The following POMC variants were observed in gnomAD, a reference collection of about 807,000 sequenced individuals.
POMC encodes proopiomelanocortin.
A neutral mutation model predicts 18.5 loss-of-function variants in POMC; 19 were observed. The observed-to-expected ratio is 1.03, with a 90% CI of 0.72 to 1.51. The LOEUF (loss-of-function observed/expected upper bound fraction) is 1.51. POMC is among the 40% of genes most tolerant of loss of function. POMC has a pLI of 0.00. For synonymous variants in POMC, 179 were observed against 161.9 expected (o/e 1.11, Z -0.80); for missense variants, 451 against 379.0 (o/e 1.19, Z -1.58).
In POMC at chr2:25,161,951, A is replaced by G. The variant is rs1343595391; in HGVS notation, c.133-199T>C. 2.0e-5 allele frequency among the ~76,000 whole-genome samples: 3 copies of G among 152,134 alleles called. No homozygotes were observed. The highest frequency in any genetic ancestry group is 7.2e-5 in the African/African-American group (3 of 41,446). ...GCTTTCTTGGCACTCGTGGGCATCTAAGATCTTGCCACTGCCTCTTTTGTC... is the reference window on the plus strand; with the variant it reads ...GCTTTCTTGGCACTCGTGGGCATCTGAGATCTTGCCACTGCCTCTTTTGTC... On this transcript the variant is annotated intron_variant, in intron 2 of 2. Coordinates refer to ENST00000395826, the MANE Select transcript of POMC (RefSeq NM_000939.4). This position sits in a 1 kb window ranked among gnomAD's most constrained non-coding sequence, Gnocchi z 5.7.
rs1230914079 is a variant in POMC, at chr2:25,161,290, C to A, written c.595G>T (p.Ala199Ser). ...TGCTCCAGGTCGGCCTGGGCCCCTG[C>A]GCCGTCATCGGCAGGGCCGTCGGGG... ...DGPDGPADDGAGAQADLEHSL... is the reference protein window; with the variant it reads ...DGPDGPADDGSGAQADLEHSL... The change falls in exon 3 of 3, where the codon GCA becomes TCA. Residue 199 changes from alanine (A) to serine (S), a missense_variant. By Grantham distance (99) the Ala-to-Ser change is moderately conservative. Coordinates refer to ENST00000395826, the MANE Select transcript of POMC (RefSeq NM_000939.4). This position sits in a 1 kb window ranked among gnomAD's most constrained non-coding sequence, Gnocchi z 5.7. The A allele has an allele frequency of 1.2e-6, 2 of 1,610,878 alleles. No individual in the cohort carries two copies. The highest frequency in any genetic ancestry group is 8.5e-7 in the Non-Finnish European group (1 of 1,178,840).
chr2:25,165,306 G>A lies in POMC; in HGVS notation c.-20-514C>T, dbSNP rs369622058. On this transcript the variant is annotated intron_variant, in intron 1 of 2. Coordinates refer to ENST00000395826, the MANE Select transcript of POMC (RefSeq NM_000939.4). Reference sequence around the variant, plus strand: ...GTCTTTTCCCTTTTTATTCCACCAGGATCCTATCATTCCTCTGAAACTCTA... The same window carrying A: ...GTCTTTTCCCTTTTTATTCCACCAGAATCCTATCATTCCTCTGAAACTCTA... Among the ~76,000 whole-genome samples, 22 of 152,160 alleles carry A rather than the reference G, an allele frequency of 1.4e-4. No homozygotes were observed. The East Asian group carries it at 1.7e-3, about 12-fold the overall frequency.
At position 25,161,864 on chromosome 2, in the gene POMC, CAG is replaced by C; in HGVS notation, c.133-114_133-113del. 6.9e-7 allele frequency: 1 copy of C among 1,446,846 alleles called. No homozygotes were observed. The highest frequency in any genetic ancestry group is 9.1e-7 in the Non-Finnish European group (1 of 1,104,502). The allele number at this position is 1,446,846 out of a possible 1,614,324, so 89.6% of individuals were successfully genotyped here. A position where few individuals can be genotyped will look rare whatever the true frequency, so the allele number is the denominator to read the frequency against. ...CCGCCCTCGCCACGTGCCGAGGACA[CAG>C]GGCACAGTGTCGGGCGTGTCAAGCG... On this transcript the variant is annotated intron_variant, in intron 2 of 2. Transcript: ENST00000395826. The surrounding 1 kb of genome is among the most constrained non-coding windows in gnomAD (Gnocchi z 5.7).
At position 25,161,312 on chromosome 2, in the gene POMC, G is replaced by C. The variant is rs559768571; in HGVS notation, c.573C>G (p.Pro191=). The change falls in exon 3 of 3, where the codon CCC becomes CCG. Residue 191 remains proline, a synonymous_variant. Transcript: ENST00000395826. This position sits in a 1 kb window ranked among gnomAD's most constrained non-coding sequence, Gnocchi z 5.7. ...CTGCGCCGTCATCGGCAGGGCCGTC[G>C]GGGCCATCTCCCTCCCGGAGTCGCT... ...TGQRLREGDG[P]DGPADDGAGA... The C allele has an allele frequency of 2.4e-5, 38 of 1,608,648 alleles. No individual in the cohort carries two copies. The highest frequency in any genetic ancestry group is 1.8e-4 in the South Asian group (16 of 90,102).
At position 25,168,519 on chromosome 2, in the gene POMC, T is replaced by C. The variant is rs1355596079; in HGVS notation, c.-42A>G. On this transcript the variant is annotated 5_prime_UTR_variant, in exon 1 of 3. Coordinates refer to ENST00000395826, the MANE Select transcript of POMC (RefSeq NM_000939.4). The surrounding 1 kb of genome is among the most constrained non-coding windows in gnomAD (Gnocchi z 5.2). ...TTACCTGTCTCGGGAGGCTGCTCTCTGAGGGCGGGGACGCTCGGCGGCCTC... is the reference window on the plus strand; with the variant it reads ...TTACCTGTCTCGGGAGGCTGCTCTCCGAGGGCGGGGACGCTCGGCGGCCTC... The C allele has an allele frequency of 6.6e-6, 1 of 152,266 alleles. No homozygotes were observed. The highest frequency in any genetic ancestry group is 1.5e-5 in the Non-Finnish European group (1 of 68,112). The allele number at this position is 152,266 out of a possible 1,614,324, so 9.4% of individuals were successfully genotyped here. A position where few individuals can be genotyped will look rare whatever the true frequency, so the allele number is the denominator to read the frequency against.
intron 2 of POMC, 108 bp downstream of exon 2, chr2:25,164,533 C>T (rs557321408): frequency 1.9e-6 from 3 of 1,558,818 alleles, no homozygotes; most frequent in South Asian, 1.1e-5. Flanking sequence ...TGAATCACGC[C>T]TATCACTGGG....
At chr2:25,163,288 C>T (rs1211568612) in intron 2 of POMC, among the ~76,000 whole-genome samples, 1 of 152,180 alleles carries the variant, frequency 6.6e-6, no homozygotes, top group African/African-American at 2.4e-5. Flanking sequence ...TGGTCAAGGT[C>T]CCACACCTCA....
At chr2:25,163,786 GCTAA>G (rs1161788514) in intron 2 of POMC, among the ~76,000 whole-genome samples, 1 of 152,132 alleles carries the variant, frequency 6.6e-6, no homozygotes, top group Non-Finnish European at 1.5e-5. Flanking sequence ...ACCACATCTG[GCTAA>G]CTTTTTTATT....
rs1424698152 is a variant in POMC, at chr2:25,164,777, C to T, written c.-5G>A. 2 of 1,613,456 alleles carry T rather than the reference C, an allele frequency of 1.2e-6. No individual in the cohort carries two copies. The highest frequency in any genetic ancestry group is 1.3e-5 in the African/African-American group (1 of 74,932). On this transcript the variant is annotated 5_prime_UTR_variant, in exon 2 of 3. Coordinates refer to ENST00000395826, the MANE Select transcript of POMC (RefSeq NM_000939.4). ...GCTGCAGCACGATCTCGGCATCTTCCAGGCAGGCTGAGGCTCTGCAGAAGC... is the reference window on the plus strand; with the variant it reads ...GCTGCAGCACGATCTCGGCATCTTCTAGGCAGGCTGAGGCTCTGCAGAAGC...
At chr2:25,162,385 G>T (rs560977867) in intron 2 of POMC, among the ~76,000 whole-genome samples, 4 of 152,262 alleles carry the variant, frequency 2.6e-5, no homozygotes, top group Admixed American at 1.3e-4. Context: ...GGGAGGTAGA[G>T]GTTGCAGTGA....
At chr2:25,164,924 G>T in intron 1 of POMC, 132 bp from the exon 2 acceptor site, 1 of 938,062 alleles carries the variant, frequency 1.1e-6, no homozygotes, top group Non-Finnish European at 1.6e-6. Context: ...AAGGACAGCA[G>T]CAATGCTGAG....
At chr2:25,163,618 GGTTTGTTT>G (rs989523561) in intron 2 of POMC, among the ~76,000 whole-genome samples, 1 of 152,112 alleles carries the variant, frequency 6.6e-6, no homozygotes, top group Non-Finnish European at 1.5e-5. Context: ...ACAGTATGGG[GGTTTGTTT>G]GTTTGTTTGT....
rs955908392 is a variant in POMC at position 25,161,562 on chromosome 2, G to A, written c.323C>T (p.Ser108Leu). The stretch of plus-strand genomic sequence containing the variant: ...CAGCGGGCCGCAGTCTTCGCCCGCT[G>A]AGACGTCCTCGCGCTTCTGCCCTGC... Reference protein sequence around the residue: ...SGAGQKREDVSAGEDCGPLPE... With the variant: ...SGAGQKREDVLAGEDCGPLPE... The change falls in exon 3 of 3, where the codon TCA becomes TTA. Residue 108 changes from serine to leucine, a missense_variant. By Grantham distance (145) the Ser-to-Leu change is moderately radical (BLOSUM62 -2). Coordinates refer to ENST00000395826, the MANE Select transcript of POMC (RefSeq NM_000939.4). This position sits in a 1 kb window ranked among gnomAD's most constrained non-coding sequence, Gnocchi z 5.7. 4 of 1,570,182 alleles carry A rather than the reference G, an allele frequency of 2.5e-6. No homozygotes were observed. Among genetic ancestry groups the A allele is most frequent in the South Asian group, 2.3e-5 (2 of 86,438 alleles).
chr2:25,163,308 C>G (rs1671454264), intron 2 of POMC, among the ~76,000 whole-genome samples: 1 of 152,218 alleles, frequency 6.6e-6, no homozygotes, highest in Non-Finnish European at 1.5e-5. Context: ...AAAACTGGGT[C>G]TAGAACCCAT....
intron 1 of POMC, among the ~76,000 whole-genome samples, chr2:25,167,913 G>C (rs1056427261): frequency 2.6e-5 from 4 of 152,298 alleles, no homozygotes; most frequent in Admixed American, 6.5e-5. Context: ...CAGAACTTTG[G>C]GGGGCCAAGG....
chr2:25,165,684 G>C (rs1334006444), intron 1 of POMC: 2 of 152,268 alleles, frequency 1.3e-5, no homozygotes, highest in African/African-American at 2.4e-5. Flanking sequence ...TCCAGCAAGT[G>C]CCTGTGGGCA....
rs1011518385 is a variant in POMC at position 25,161,941 on chromosome 2, G to A, written c.133-189C>T. ...CTGCCCACCTGCTTTCTTGGCACTC[G>A]TGGGCATCTAAGATCTTGCCACTGC... On this transcript the variant is annotated intron_variant, in intron 2 of 2. Coordinates refer to ENST00000395826, the MANE Select transcript of POMC (RefSeq NM_000939.4). This position sits in a 1 kb window ranked among gnomAD's most constrained non-coding sequence, Gnocchi z 5.7. Among the ~76,000 whole-genome samples the A allele has an allele frequency of 1.3e-5, 2 of 152,190 alleles. No homozygotes were observed. The highest frequency in any genetic ancestry group is 2.9e-5 in the Non-Finnish European group (2 of 68,026).
chr2:25,166,753 T>C (rs1000176429), intron 1 of POMC, among the ~76,000 whole-genome samples: 2 of 152,240 alleles, frequency 1.3e-5, no homozygotes, highest in Non-Finnish European at 2.9e-5. Context: ...GCTAAACTGG[T>C]TAGATGGCTG....
Position 25,161,021 on chromosome 2 carries a change from AG to A in POMC, c.*59del. 6.2e-7 allele frequency: 1 copy of A among 1,610,442 alleles called. No homozygotes were observed. ...GGGAGGCGGCAGCAGGGCAGGGGAG[AG>A]CAAGGGGCTTTGGGGTCGACCTCCT... is the stretch of plus-strand genomic sequence containing the variant. On this transcript the variant is annotated 3_prime_UTR_variant, in exon 3 of 3. Transcript: ENST00000395826. This position sits in a 1 kb window ranked among gnomAD's most constrained non-coding sequence, Gnocchi z 5.7.
Sources: allele counts gnomAD v4.1 joint callset (sites outside exome capture counted in the v4.1 genomes callset), GRCh38; gene constraint gnomAD v4.1.1; non-coding constraint Gnocchi (gnomAD v3.1); transcripts MANE v1.5; gene names NCBI Gene and HGNC (gene_info 2026-07-23, HGNC 2026-07-21).